Variants in KNDC1 observed in about 807,000 individuals in gnomAD.
KNDC1 encodes the protein kinase non-catalytic C-lobe domain-containing protein 1.
KNDC1 carries 106 observed loss-of-function variants against 172.8 expected under a neutral mutation model. The ratio of observed to expected loss-of-function variants is 0.61; its 90% CI spans 0.52 to 0.72. The LOEUF (loss-of-function observed/expected upper bound fraction) is 0.72, where lower values mean the gene tolerates loss of function less well. KNDC1 is among the 30% of genes least tolerant of loss of function. The pLI is 0.00. For missense variants in KNDC1, 2,325 were observed against 2,394.5 expected, an observed-to-expected ratio of 0.97 and a Z score of 0.61; for synonymous variants, 1,083 against 1,062.2, an observed-to-expected ratio of 1.02 and a Z score of -0.38.
chr10:133,186,307 T>A lies in KNDC1; in HGVS notation c.959T>A (p.Leu320His). 2 of 1,612,132 alleles carry A rather than the reference T, an allele frequency of 1.2e-6. No homozygotes were observed. The highest frequency in any genetic ancestry group is 1.7e-6 in the Non-Finnish European group (2 of 1,179,754). Residue 320 changes from leucine (L) to histidine (H), a missense_variant, in exon 6 of 30, where the codon CTC (leucine) becomes CAC (histidine). Physicochemically the swap from Leu to His is moderately conservative, Grantham distance 99. Transcript: ENST00000304613. ...CTGTCCGACAGCCCCGAGGCCACCC[T>A]CTGCCTGCCGCTGACCCGCGGGAAA... ...RLLSDSPEAT[L>H]CLPLTRGKSQ...
chr10:133,218,724 G>C (rs1175054300), intron 26 of KNDC1, 107 bp from the exon 27 acceptor site: 14 of 1,396,460 alleles, frequency 1.0e-5, no homozygotes, highest in Non-Finnish European at 1.4e-5. Context: ...ACGTGATGCA[G>C]CACACGCTCT....
intron 23 of KNDC1, among the ~76,000 whole-genome samples, 200 bp downstream of exon 23, chr10:133,212,058 G>A (rs550249648): frequency 5.3e-5 from 8 of 152,164 alleles, no homozygotes; most frequent in South Asian, 4.2e-4. Flanking sequence ...ACATCCACAC[G>A]TGCACATATG....
chr10:133,185,419 G>GGAATAGGCAGTGTGTGCAGTGTA (rs1564883552), intron 5 of KNDC1, among the ~76,000 whole-genome samples: 2,994 of 72,024 alleles, frequency 0.042, 155 homozygotes, highest in East Asian at 0.11. Flanking sequence ...TGTGCAGTGT[G>GGAATAGGCAGTGTGTGCAGTGTA]GAGTAGGCAG....
At chr10:133,166,507 G>A (rs1337330474) in intron 1 of KNDC1, among the ~76,000 whole-genome samples, 2 of 152,162 alleles carry the variant, frequency 1.3e-5, no homozygotes, top group African/African-American at 4.8e-5. Context: ...GCGGTGGCAT[G>A]TAGTATGTGT....
At chr10:133,162,037 G>A (rs1004916524) in intron 1 of KNDC1, among the ~76,000 whole-genome samples, 11 of 152,180 alleles carry the variant, frequency 7.2e-5, no homozygotes, top group Non-Finnish European at 1.5e-4. Context: ...GCTCCCGGCC[G>A]GCACAGTACT....
chr10:133,178,092 G>T (rs924239088), intron 3 of KNDC1, among the ~76,000 whole-genome samples: 1 of 150,510 alleles, frequency 6.6e-6, no homozygotes, highest in Admixed American at 6.6e-5. Context: ...TTTGGTGTGT[G>T]TGCAGTGTGT....
chr10:133,198,511 C>T lies in KNDC1; in HGVS notation c.2069+12C>T. ...GCAAGTGTGGCCAGGTGAGCATCGTCCCCACACCCCGGAGCTGCTGGGTCC... is the reference window on the plus strand; with the variant it reads ...GCAAGTGTGGCCAGGTGAGCATCGTTCCCACACCCCGGAGCTGCTGGGTCC... On this transcript the variant is annotated intron_variant, in intron 13 of 29. Coordinates refer to ENST00000304613, the MANE Select transcript of KNDC1 (RefSeq NM_152643.8). 1 of 1,594,182 alleles carries T rather than the reference C, an allele frequency of 6.3e-7. No individual in the cohort carries two copies. Among genetic ancestry groups the T allele is most frequent in the South Asian group, 1.1e-5 (1 of 89,474 alleles).
Position 133,160,237 on chromosome 10 carries a change from C to T in KNDC1, c.-231C>T, listed in dbSNP as rs1252807987. The stretch of plus-strand genomic sequence containing the variant: ...CTCCCCCAGGAAGGAGCGACGTTCC[C>T]TAGGCGCCGGGTCCGGACAGCGCCG... On this transcript the variant is annotated 5_prime_UTR_variant, in exon 1 of 30. Transcript: ENST00000304613. Among the ~76,000 whole-genome samples the T allele has an allele frequency of 1.3e-5, 2 of 149,760 alleles. No individual in the cohort carries two copies. The highest frequency in any genetic ancestry group is 3.0e-5 in the Non-Finnish European group (2 of 67,106).
rs1589757367 is a variant in KNDC1 at position 133,195,829 on chromosome 10, C to T, written c.1734+8C>T. 6.5e-7 allele frequency: 1 copy of T among 1,542,524 alleles called. No individual in the cohort carries two copies. The highest frequency in any genetic ancestry group is 1.2e-5 in the South Asian group (1 of 83,230). On this transcript the variant is annotated splice_region_variant and intron_variant, in intron 10 of 29. Coordinates refer to ENST00000304613, the MANE Select transcript of KNDC1 (RefSeq NM_152643.8). ...GCGGCTGAGGCCATCAAGGTAACCA[C>T]ACCACAGTCATGGCCCCAGCCCAGG... is the stretch of plus-strand genomic sequence containing the variant.
At position 133,199,140 on chromosome 10, in the gene KNDC1, T is replaced by C; in HGVS notation, c.2632T>C (p.Cys878Arg). 5.6e-6 allele frequency: 9 copies of C among 1,597,524 alleles called. No homozygotes were observed. The highest frequency in any genetic ancestry group is 2.3e-5 in the East Asian group (1 of 43,340). Residue 878 changes from cysteine to arginine, a missense_variant, in exon 14 of 30, where the codon TGC (cysteine) becomes CGC (arginine). Transcript: ENST00000304613. ...RPADRRLCLP[C>R]VDASPLPGRT... is the part of the protein sequence containing the mutation. ...CGCAGACCGGAGGCTCTGTCTGCCC[T>C]GCGTGGATGCCTCGCCACTCCCAGG... is the stretch of plus-strand genomic sequence containing the variant.
At chr10:133,189,026 A>G (rs1854005294) in intron 7 of KNDC1, among the ~76,000 whole-genome samples, 1 of 152,024 alleles carries the variant, frequency 6.6e-6, no homozygotes, top group Non-Finnish European at 1.5e-5. Flanking sequence ...TTCTCAACAC[A>G]GTGACATTGT....
intron 12 of KNDC1, 86 bp downstream of exon 12, chr10:133,197,854 C>A: frequency 9.2e-7 from 1 of 1,085,364 alleles, no homozygotes; most frequent in Non-Finnish European, 1.4e-6. Flanking sequence ...ACAGACACAG[C>A]CGGGCACCTC....
At chr10:133,202,470 G>T (rs1440410753) in intron 17 of KNDC1, 5 of 394,530 alleles carry the variant, frequency 1.3e-5, no homozygotes, top group Admixed American at 2.9e-5. Context: ...AGCTCTGGAC[G>T]CAAGGTGGGA....
chr10:133,167,592 T>TGGCGGTGGCGGCGGCGGC lies in KNDC1; in HGVS notation c.301+16_301+33dup, dbSNP rs750776125. 1.3e-6 allele frequency: 2 copies of TGGCGGTGGCGGCGGCGGC among 1,566,550 alleles called. No homozygotes were observed. The highest frequency in any genetic ancestry group is 1.7e-6 in the Non-Finnish European group (2 of 1,156,782). On this transcript the variant is annotated intron_variant, in intron 2 of 29. Coordinates refer to ENST00000304613, the MANE Select transcript of KNDC1 (RefSeq NM_152643.8). ...GAGCAGCTCAGCGGTGAGGCGGCGG[T>TGGCGGTGGCGGCGGCGGC]GGCGGTGGCGGCGGCGGCGGGCACG...
rs777110855 is a variant in KNDC1, at chr10:133,195,597, G to T, written c.1576-66G>T. The T allele has an allele frequency of 1.7e-3, 2,432 of 1,415,046 alleles. 2 individuals carry two copies. Among genetic ancestry groups the T allele is most frequent in the Non-Finnish European group, 2.1e-3 (2,265 of 1,075,834 alleles). 87.7% of individuals were successfully genotyped at this position (1,415,046 alleles called of 1,614,324 possible). Reference sequence around the variant, plus strand: ...GTGCCCCTCAGGGTGCCTGAGGTGGGCAGGTCTGCTGGGCACAGCAGCCCA... The same window carrying T: ...GTGCCCCTCAGGGTGCCTGAGGTGGTCAGGTCTGCTGGGCACAGCAGCCCA... On this transcript the variant is annotated intron_variant, in intron 9 of 29. Coordinates refer to ENST00000304613, the MANE Select transcript of KNDC1 (RefSeq NM_152643.8).
At chr10:133,196,885 C>G (rs948796929) in intron 10 of KNDC1, among the ~76,000 whole-genome samples, 173 bp from the exon 11 acceptor site, 3 of 152,138 alleles carry the variant, frequency 2.0e-5, no homozygotes, top group African/African-American at 7.2e-5. Context: ...GAGCCCTTTT[C>G]AGGAAATGCT....
chr10:133,202,232 G>A (rs749468285), intron 17 of KNDC1: 33 of 610,666 alleles, frequency 5.4e-5, no homozygotes, highest in South Asian at 1.8e-4. Flanking sequence ...CGTGTTTTCC[G>A]TGGGGCAGGC....
At chr10:133,188,513 T>C (rs1237782568) in intron 6 of KNDC1, 26 bp from the exon 7 acceptor site, 8 of 1,471,484 alleles carry the variant, frequency 5.4e-6, no homozygotes, top group Middle Eastern at 2.3e-4. Context: ...GTGTCCACAC[T>C]GACCTCGCCG....
chr10:133,194,064 A>G (rs1589756051), intron 9 of KNDC1, among the ~76,000 whole-genome samples: 1 of 152,360 alleles, frequency 6.6e-6, no homozygotes, highest in East Asian at 1.9e-4. Context: ...AACACTGTCA[A>G]TCAACACGGC....
Sources: gnomAD v4.1 joint callset for allele counts (sites outside exome capture counted in the v4.1 genomes callset) on GRCh38, gnomAD v4.1.1 for gene constraint, MANE v1.5 for transcripts, NCBI Gene and HGNC (gene_info 2026-07-23, HGNC 2026-07-21) for gene names.